PARD6G: variants seen among roughly 807,000 people sequenced by gnomAD.
The protein encoded by PARD6G is partitioning defective 6 homolog gamma.
PARD6G carries 7 observed loss-of-function variants against 10.7 expected under a neutral mutation model. The ratio of observed to expected loss-of-function variants is 0.66; its 90% CI spans 0.37 to 1.23. The LOEUF is 1.23. PARD6G is among the 50% of genes most tolerant of loss of function. PARD6G has a pLI of 0.02. For missense variants in PARD6G, 548 were observed against 571.8 expected (o/e 0.96, Z 0.42); for synonymous variants, 287 against 269.4 (o/e 1.07, Z -0.64).
chr18:80,214,269 C>G (rs2145289321), intron 1 of PARD6G, among the ~76,000 whole-genome samples: 1 of 152,150 alleles, frequency 6.6e-6, no homozygotes, highest in East Asian at 1.9e-4. Context: ...ACCAGCCTGG[C>G]CAACGTGGTG....
chr18:80,219,464 C>A (rs1182952532), intron 1 of PARD6G, among the ~76,000 whole-genome samples: 1 of 152,202 alleles, frequency 6.6e-6, no homozygotes, highest in Non-Finnish European at 1.5e-5. Flanking sequence ...CCTGCCTCAG[C>A]CTCCCAAAGT....
intron 1 of PARD6G, among the ~76,000 whole-genome samples, chr18:80,233,686 C>T (rs575613852): frequency 3.9e-5 from 6 of 152,256 alleles, no homozygotes; most frequent in Admixed American, 1.3e-4. Context: ...ACTCCTTTCA[C>T]AGCCTTAACC....
rs1336550868 is a variant in PARD6G, at chr18:80,228,745, C to T, written c.72+18532G>A. On this transcript the variant is annotated intron_variant, in intron 1 of 2. Coordinates refer to ENST00000353265, the MANE Select transcript of PARD6G (RefSeq NM_032510.4). This position sits in a 1 kb window ranked among gnomAD's most constrained non-coding sequence, Gnocchi z 4.6. ...CCTGCCTCACACCCCCAGGGGCCTG[C>T]CTCCCATCTAAGGCCCCCACCCCAG... Among the ~76,000 whole-genome samples, 1 of 151,084 alleles carries T rather than the reference C, an allele frequency of 6.6e-6. No homozygotes were observed. Among genetic ancestry groups the T allele is most frequent in the Non-Finnish European group, 1.5e-5 (1 of 67,730 alleles).
chr18:80,216,240 T>G (rs1433407046), intron 1 of PARD6G, among the ~76,000 whole-genome samples: 1 of 152,004 alleles, frequency 6.6e-6, no homozygotes, highest in Admixed American at 6.5e-5. Flanking sequence ...CAACAAAAAA[T>G]AGAAGACTTA....
intron 1 of PARD6G, among the ~76,000 whole-genome samples, chr18:80,224,031 G>A (rs755674526): frequency 2.6e-5 from 4 of 152,178 alleles, no homozygotes; most frequent in Non-Finnish European, 5.9e-5. Context: ...GAACAGGGTA[G>A]AACTTGCCTT....
At chr18:80,195,609 G>C (rs111476408) in intron 2 of PARD6G, among the ~76,000 whole-genome samples, 34,969 of 113,366 alleles carry the variant, frequency 0.31, 6,057 homozygotes, top group Non-Finnish European at 0.45. Context: ...CTGACCAGGT[G>C]CGATGGCTCC....
At position 80,247,069 on chromosome 18, in the gene PARD6G, G is replaced by A. The variant is rs1967560385; in HGVS notation, c.72+208C>T. On this transcript the variant is annotated intron_variant, in intron 1 of 2. Coordinates refer to ENST00000353265, the MANE Select transcript of PARD6G (RefSeq NM_032510.4). The surrounding 1 kb of genome is among the most constrained non-coding windows in gnomAD (Gnocchi z 4.2). Reference sequence around the variant, plus strand: ...TGGCCCTCGGCCCTCTGAGCGCCGCGGCTGCCGGGCTTTGTGTCCGCGCGG... The same window carrying A: ...TGGCCCTCGGCCCTCTGAGCGCCGCAGCTGCCGGGCTTTGTGTCCGCGCGG... Among the ~76,000 whole-genome samples, 1 of 152,044 alleles carries A rather than the reference G, an allele frequency of 6.6e-6. No homozygotes were observed. Among genetic ancestry groups the A allele is most frequent in the Non-Finnish European group, 1.5e-5 (1 of 67,992 alleles).
intron 1 of PARD6G, among the ~76,000 whole-genome samples, chr18:80,233,562 G>A (rs1478406313): frequency 6.6e-6 from 1 of 152,214 alleles, no homozygotes; most frequent in Non-Finnish European, 1.5e-5. Flanking sequence ...ACTGTGGGTG[G>A]AAAGCCAGTC....
At chr18:80,185,728 G>A (rs1294889408) in intron 2 of PARD6G, among the ~76,000 whole-genome samples, 15 of 136,578 alleles carry the variant, frequency 1.1e-4, no homozygotes, top group African/African-American at 2.5e-4. Flanking sequence ...CCTCACACAC[G>A]CATATACACT....
rs148719391 is a variant in PARD6G, at chr18:80,219,993, T to C, written c.73-17061A>G. Among the ~76,000 whole-genome samples the C allele has an allele frequency of 7.2e-5, 11 of 152,300 alleles. No homozygotes were observed. The East Asian group carries it at 2.1e-3, about 29-fold the overall frequency. On this transcript the variant is annotated intron_variant, in intron 1 of 2. Coordinates refer to ENST00000353265, the MANE Select transcript of PARD6G (RefSeq NM_032510.4). ...TATAGTAGCACCTCACTCTCTGTGG[T>C]ACCAATTTACTGTATTAGTCTGTTC...
intron 2 of PARD6G, among the ~76,000 whole-genome samples, chr18:80,178,993 AGCCCAGGGAGAGCACT>A (rs2145260938): frequency 6.6e-6 from 1 of 152,332 alleles, no homozygotes; most frequent in South Asian, 2.1e-4. Context: ...GACACGCCAG[AGCCCAGGGAGAGCACT>A]AACCACCACT....
Position 80,157,310 on chromosome 18 carries a change from AG to A in PARD6G, c.*2460del, listed in dbSNP as rs975500751. 78 of 152,362 alleles carry A rather than the reference AG, an allele frequency of 5.1e-4. 1 individual carries two copies. The highest frequency in any genetic ancestry group is 1.7e-3 in the African/African-American group (71 of 41,584). The allele number at this position is 152,362 out of a possible 1,614,324, so 9.4% of individuals were successfully genotyped here. On this transcript the variant is annotated 3_prime_UTR_variant, in exon 3 of 3. Coordinates refer to ENST00000353265, the MANE Select transcript of PARD6G (RefSeq NM_032510.4). ...GAAAACTTTAATACATAATATGCAT[AG>A]TTTTGTTTTTTTAAAAGGAGAAAGT...
rs73494450 is a variant in PARD6G at position 80,245,397 on chromosome 18, A to T, written c.72+1880T>A. Among the ~76,000 whole-genome samples the T allele has an allele frequency of 1.7e-3, 263 of 152,330 alleles. 1 individual carries two copies. The highest frequency in any genetic ancestry group is 6.3e-3 in the African/African-American group (260 of 41,576). On this transcript the variant is annotated intron_variant, in intron 1 of 2. Coordinates refer to ENST00000353265, the MANE Select transcript of PARD6G (RefSeq NM_032510.4). ...ACAGCTGCTGTGAAGGGCAGCAGGA[A>T]GGATCCTAGGATGAAAGGGGAAAAC...
intron 2 of PARD6G, among the ~76,000 whole-genome samples, chr18:80,164,614 A>G (rs985276162): frequency 2.6e-5 from 4 of 152,340 alleles, no homozygotes; most frequent in South Asian, 2.1e-4. Flanking sequence ...CCAACCTCAA[A>G]TTAAACCTTT....
At chr18:80,215,059 T>C (rs1967149666) in intron 1 of PARD6G, among the ~76,000 whole-genome samples, 2 of 151,256 alleles carry the variant, frequency 1.3e-5, no homozygotes, top group African/African-American at 4.8e-5. Flanking sequence ...ACCAAAATGC[T>C]GTGGAATGAC....
At position 80,192,063 on chromosome 18, in the gene PARD6G, A is replaced by C. The variant is rs1200949882; in HGVS notation, c.295+10647T>G. ...CAAAAACGTGTACTTTCATGTTTTC[A>C]ATGTACAAGAAGGTCAGCGTTAACC... is the stretch of plus-strand genomic sequence containing the variant. On this transcript the variant is annotated intron_variant, in intron 2 of 2. Coordinates refer to ENST00000353265, the MANE Select transcript of PARD6G (RefSeq NM_032510.4). This position sits in a 1 kb window ranked among gnomAD's most constrained non-coding sequence, Gnocchi z 4.9. 6.6e-6 allele frequency among the ~76,000 whole-genome samples: 1 copy of C among 152,212 alleles called. No individual in the cohort carries two copies. The highest frequency in any genetic ancestry group is 1.9e-4 in the East Asian group (1 of 5,194).
At chr18:80,224,804 G>A (rs191150281) in intron 1 of PARD6G, among the ~76,000 whole-genome samples, 44 of 151,968 alleles carry the variant, frequency 2.9e-4, no homozygotes, top group African/African-American at 8.0e-4. Context: ...CCGAGATCGC[G>A]CCACTGCTCT....
chr18:80,196,632 T>C (rs1966958303), intron 2 of PARD6G, among the ~76,000 whole-genome samples: 1 of 152,100 alleles, frequency 6.6e-6, no homozygotes, highest in African/African-American at 2.4e-5. Flanking sequence ...CTGTTCCCAT[T>C]GGCTCAATTG....
At chr18:80,241,297 C>A (rs73494442) in intron 1 of PARD6G, among the ~76,000 whole-genome samples, 6,157 of 152,240 alleles carry the variant, frequency 0.04, 443 homozygotes, top group African/African-American at 0.14. Flanking sequence ...GACTTTGGAG[C>A]TAGACTATCT....
Sources: gnomAD v4.1 joint callset for allele counts (sites outside exome capture counted in the v4.1 genomes callset) on GRCh38, gnomAD v4.1.1 for gene constraint, Gnocchi (gnomAD v3.1) non-coding constraint, MANE v1.5 for transcripts, NCBI Gene and HGNC (gene_info 2026-07-23, HGNC 2026-07-21) for gene names.